The following SSBP2 variants were observed in gnomAD, a reference collection of about 807,000 sequenced individuals.
The protein encoded by SSBP2 is single-stranded DNA-binding protein 2.
Under a neutral mutation model 61.8 loss-of-function variants are expected in SSBP2, and 17 were observed. The observed-to-expected ratio is 0.28, with a 90% CI of 0.19 to 0.41. The LOEUF (loss-of-function observed/expected upper bound fraction) is 0.41, where lower values mean the gene tolerates loss of function less well. Ranked by LOEUF, SSBP2 falls within the 10% of genes least tolerant of loss-of-function variation. The pLI, the probability that SSBP2 is intolerant of heterozygous loss-of-function variation, is 1.00. For synonymous variants in SSBP2, 139 were observed against 141.3 expected, an observed-to-expected ratio of 0.98 and a Z score of 0.12; for missense variants, 310 against 458.7, an observed-to-expected ratio of 0.68 and a Z score of 2.96.
At chr5:81,507,780 T>G (rs1428264655) in intron 5 of SSBP2, among the ~76,000 whole-genome samples, 1 of 152,146 alleles carries the variant, frequency 6.6e-6, no homozygotes, top group Non-Finnish European at 1.5e-5. Flanking sequence ...GTTATAGAAA[T>G]TCACAAGAGA....
At chr5:81,538,526 G>C (rs1770993127) in intron 4 of SSBP2, among the ~76,000 whole-genome samples, 1 of 152,016 alleles carries the variant, frequency 6.6e-6, no homozygotes, top group African/African-American at 2.4e-5. Flanking sequence ...CAGTGTAGAT[G>C]AAACAGCCTT....
chr5:81,711,984 T>C (rs1479602626), intron 1 of SSBP2, among the ~76,000 whole-genome samples: 1 of 151,942 alleles, frequency 6.6e-6, no homozygotes, highest in Non-Finnish European at 1.5e-5. Flanking sequence ...CTATAAGCTA[T>C]TTAAGCTATT....
intron 5 of SSBP2, among the ~76,000 whole-genome samples, chr5:81,495,828 C>A (rs1034610412): frequency 1.3e-5 from 2 of 151,824 alleles, no homozygotes; most frequent in African/African-American, 4.8e-5. Context: ...TTTAAAAGTT[C>A]TTTAAATCTT....
chr5:81,538,001 G>A (rs1770945631), intron 4 of SSBP2, among the ~76,000 whole-genome samples: 1 of 152,132 alleles, frequency 6.6e-6, no homozygotes, highest in Non-Finnish European at 1.5e-5. Flanking sequence ...AGTGTTTCAA[G>A]TAAAAGGAAA....
intron 4 of SSBP2, among the ~76,000 whole-genome samples, chr5:81,538,303 C>T (rs1361510729): frequency 6.6e-6 from 1 of 152,168 alleles, no homozygotes; most frequent in Non-Finnish European, 1.5e-5. Context: ...CAGAGCAAGG[C>T]CCTAAGTCTC....
intron 3 of SSBP2, among the ~76,000 whole-genome samples, chr5:81,625,764 C>T (rs1747080011): frequency 6.6e-6 from 1 of 152,120 alleles, no homozygotes; most frequent in Admixed American, 6.6e-5. Flanking sequence ...ACACAGAAAG[C>T]AAAATGGTTG....
chr5:81,701,272 T>C (rs1371942915), intron 1 of SSBP2, among the ~76,000 whole-genome samples: 1 of 152,184 alleles, frequency 6.6e-6, no homozygotes, highest in Non-Finnish European at 1.5e-5. Flanking sequence ...ACAACATTTA[T>C]CAATTATATT....
intron 1 of SSBP2, among the ~76,000 whole-genome samples, chr5:81,737,696 G>A (rs1235176509): frequency 1.3e-5 from 2 of 150,120 alleles, no homozygotes; most frequent in Non-Finnish European, 3.0e-5. Context: ...GCTGAGGCAG[G>A]AGAATGGCAT....
chr5:81,479,250 C>A (rs1293004242), intron 6 of SSBP2, among the ~76,000 whole-genome samples: 2 of 152,008 alleles, frequency 1.3e-5, no homozygotes, highest in African/African-American at 2.4e-5. Flanking sequence ...GTATTCCACC[C>A]GGATTCATTT....
intron 4 of SSBP2, among the ~76,000 whole-genome samples, chr5:81,582,617 G>T (rs1006927686): frequency 6.6e-6 from 1 of 151,914 alleles, no homozygotes; most frequent in Non-Finnish European, 1.5e-5. Flanking sequence ...TTTTTGAGAC[G>T]GAGTCTTGCT....
chr5:81,551,077 C>T (rs1440724750), intron 4 of SSBP2, among the ~76,000 whole-genome samples: 2 of 112,776 alleles, frequency 1.8e-5, no homozygotes, highest in Non-Finnish European at 3.3e-5. Flanking sequence ...CCCTGGGTGA[C>T]AGAACGAGAC....
At chr5:81,574,165 C>T (rs1023694627) in intron 4 of SSBP2, among the ~76,000 whole-genome samples, 1 of 151,572 alleles carries the variant, frequency 6.6e-6, no homozygotes, top group African/African-American at 2.4e-5. Flanking sequence ...CAAAACAAAA[C>T]GAAAAACACA....
In SSBP2 at chr5:81,579,040, T is replaced by C. The variant is rs559793764; in HGVS notation, c.282+36433A>G. ...TCATTAGGCATTTTTGAGTAGAGCTTGATAAAAGCAGAGTTTAGGGAATAT... is the reference window on the plus strand; with the variant it reads ...TCATTAGGCATTTTTGAGTAGAGCTCGATAAAAGCAGAGTTTAGGGAATAT... On this transcript the variant is annotated intron_variant, in intron 4 of 16. Transcript: ENST00000320672. Among the ~76,000 whole-genome samples, 476 of 152,088 alleles carry C rather than the reference T, an allele frequency of 3.1e-3. 1 individual carries two copies. The highest frequency in any genetic ancestry group is 9.1e-3 in the African/African-American group (379 of 41,528).
At chr5:81,742,701 C>T (rs1757109968) in intron 1 of SSBP2, among the ~76,000 whole-genome samples, 1 of 152,074 alleles carries the variant, frequency 6.6e-6, no homozygotes, top group Admixed American at 6.6e-5. Context: ...CATGGTGAAA[C>T]TCCCTCTCTG....
chr5:81,464,136 T>G (rs770836945), intron 9 of SSBP2, among the ~76,000 whole-genome samples: 22 of 152,154 alleles, frequency 1.4e-4, no homozygotes, highest in Non-Finnish European at 2.8e-4. Flanking sequence ...ACAAACTTCA[T>G]AATTCTGCAG....
intron 4 of SSBP2, among the ~76,000 whole-genome samples, chr5:81,540,700 G>A (rs996783284): frequency 2.0e-5 from 3 of 152,136 alleles, no homozygotes; most frequent in Non-Finnish European, 4.4e-5. Context: ...ACAGTATAAT[G>A]TACATATAAC....
At chr5:81,554,996 A>G (rs10064862) in intron 4 of SSBP2, among the ~76,000 whole-genome samples, 14,833 of 152,146 alleles carry the variant, frequency 0.097, 834 homozygotes, top group African/African-American at 0.13. Context: ...CAGATGTTGC[A>G]GTAGAATACC....
At chr5:81,543,165 T>C (rs1274992629) in intron 4 of SSBP2, among the ~76,000 whole-genome samples, 2 of 152,150 alleles carry the variant, frequency 1.3e-5, no homozygotes, top group Admixed American at 1.3e-4. Flanking sequence ...AACATGCTTA[T>C]ACTCTCTCCT....
At chr5:81,620,390 C>G (rs1242955059) in intron 3 of SSBP2, among the ~76,000 whole-genome samples, 1 of 150,668 alleles carries the variant, frequency 6.6e-6, no homozygotes, top group African/African-American at 2.5e-5. Flanking sequence ...AGGAATCCAA[C>G]TTACAAGGGA....
Sources: allele counts gnomAD v4.1 joint callset (sites outside exome capture counted in the v4.1 genomes callset), GRCh38; gene constraint gnomAD v4.1.1; transcripts MANE v1.5; gene names NCBI Gene and HGNC (gene_info 2026-07-23, HGNC 2026-07-21).